The following LRMDA variants were observed in gnomAD, a reference collection of about 807,000 sequenced individuals.
The protein encoded by LRMDA is leucine rich melanocyte differentiation associated.
A neutral mutation model predicts 29.8 loss-of-function variants in LRMDA; 18 were observed. The observed-to-expected ratio is 0.60, with a 90% CI of 0.42 to 0.90. The LOEUF (loss-of-function observed/expected upper bound fraction) is 0.90. Ranked by LOEUF, LRMDA falls within the 40% of genes least tolerant of loss-of-function variation. LRMDA has a pLI of 0.00. For missense variants in LRMDA, 273 were observed against 273.9 expected (o/e 1.00, Z 0.02); for synonymous variants, 125 against 109.4 (o/e 1.14, Z -0.89).
chr10:76,301,275 A>G (rs866945747), intron 5 of LRMDA, among the ~76,000 whole-genome samples: 8 of 152,244 alleles, frequency 5.3e-5, no homozygotes, highest in African/African-American at 1.9e-4. Context: ...CAACAAGGAA[A>G]TAACTCATGC....
chr10:75,723,451 CATT>C (rs1206216534), intron 2 of LRMDA, among the ~76,000 whole-genome samples: 6 of 152,204 alleles, frequency 3.9e-5, no homozygotes, highest in Admixed American at 2.0e-4. Flanking sequence ...CCCACACAAA[CATT>C]ATGTATTGTC....
intron 2 of LRMDA, among the ~76,000 whole-genome samples, chr10:75,811,269 G>A (rs1843954925): frequency 6.6e-6 from 1 of 152,096 alleles, no homozygotes; most frequent in Non-Finnish European, 1.5e-5. Context: ...TCTCCTTCAT[G>A]GGCAAGCTCC....
At chr10:75,966,544 T>C (rs1354571479) in intron 2 of LRMDA, among the ~76,000 whole-genome samples, 1 of 152,240 alleles carries the variant, frequency 6.6e-6, no homozygotes, top group African/African-American at 2.4e-5. Flanking sequence ...TCCTTGTTAT[T>C]CATCATTTGG....
At chr10:75,938,719 A>G (rs1196911911) in intron 2 of LRMDA, among the ~76,000 whole-genome samples, 6 of 152,172 alleles carry the variant, frequency 3.9e-5, no homozygotes, top group Non-Finnish European at 7.3e-5. Flanking sequence ...AAAGTGTAGT[A>G]TCTGTTATAG....
In LRMDA at chr10:76,357,897, G is replaced by A. The variant is rs139111957; in HGVS notation, c.601+33412G>A. Among the ~76,000 whole-genome samples, 56 of 152,258 alleles carry A rather than the reference G, an allele frequency of 3.7e-4. No homozygotes were observed. The East Asian group carries it at 9.9e-3, about 27-fold the overall frequency. ...CTTATGCTAGGTACCATGGGACTGT[G>A]AGGCCTCCGGAAGAAACTCTTGACT... On this transcript the variant is annotated intron_variant, in intron 6 of 6. Coordinates refer to ENST00000611255, the MANE Select transcript of LRMDA (RefSeq NM_001305581.2).
intron 5 of LRMDA, among the ~76,000 whole-genome samples, chr10:76,212,269 A>ACACACACACACACACAT (rs533888320): frequency 1.3e-4 from 18 of 135,374 alleles, no homozygotes; most frequent in South Asian, 2.2e-4. Flanking sequence ...ACACACACAT[A>ACACACACACACACACAT]AAAAAAAAAA....
intron 5 of LRMDA, among the ~76,000 whole-genome samples, chr10:76,069,448 G>T (rs1026595530): frequency 6.6e-6 from 1 of 152,164 alleles, no homozygotes; most frequent in African/African-American, 2.4e-5. Flanking sequence ...TAGCAATTAC[G>T]TGCAGCCTTT....
intron 6 of LRMDA, among the ~76,000 whole-genome samples, chr10:76,521,839 C>A (rs1380743050): frequency 6.6e-6 from 1 of 152,074 alleles, no homozygotes; most frequent in African/African-American, 2.4e-5. Context: ...ATTTTGTTTC[C>A]CCAAAGAGAC....
At chr10:76,480,143 T>C (rs1219695195) in intron 6 of LRMDA, among the ~76,000 whole-genome samples, 2 of 151,962 alleles carry the variant, frequency 1.3e-5, no homozygotes, top group Admixed American at 6.6e-5. Flanking sequence ...TGTGTCTTCT[T>C]TTTTGACTTC....
At chr10:75,922,820 A>G (rs887113407) in intron 2 of LRMDA, among the ~76,000 whole-genome samples, 8 of 152,186 alleles carry the variant, frequency 5.3e-5, no homozygotes, top group African/African-American at 1.9e-4. Flanking sequence ...TCTTCAGCCT[A>G]GATGTCTTGC....
At chr10:76,488,005 A>G (rs1842799104) in intron 6 of LRMDA, among the ~76,000 whole-genome samples, 1 of 151,876 alleles carries the variant, frequency 6.6e-6, no homozygotes, top group Admixed American at 6.6e-5. Context: ...TAGGTGTTCA[A>G]ATTGCATGAT....
intron 6 of LRMDA, among the ~76,000 whole-genome samples, chr10:76,347,690 A>G (rs1427933753): frequency 2.0e-5 from 3 of 152,194 alleles, no homozygotes; most frequent in Non-Finnish European, 4.4e-5. Context: ...AAACCCAAGG[A>G]ACCTTAGATG....
At position 75,800,927 on chromosome 10, in the gene LRMDA, AG is replaced by A. The variant is rs1474922045; in HGVS notation, c.132-235080del. Among the ~76,000 whole-genome samples, 4 of 152,318 alleles carry A rather than the reference AG, an allele frequency of 2.6e-5. No individual in the cohort carries two copies. In the East Asian group the frequency reaches 7.7e-4, roughly 29 times the overall value. The stretch of plus-strand genomic sequence containing the variant: ...TGGCTGACTACCTTGAACTTGGGAA[AG>A]TTTGTTTGTACACTTTGTTAGGGAA... On this transcript the variant is annotated intron_variant, in intron 2 of 6. Coordinates refer to ENST00000611255, the MANE Select transcript of LRMDA (RefSeq NM_001305581.2).
At chr10:76,020,818 C>T (rs1034594854) in intron 2 of LRMDA, among the ~76,000 whole-genome samples, 12 of 152,224 alleles carry the variant, frequency 7.9e-5, no homozygotes, top group African/African-American at 2.7e-4. Context: ...ACTAAATATG[C>T]TTACTTAGCA....
intron 6 of LRMDA, among the ~76,000 whole-genome samples, chr10:76,405,234 G>A (rs1439672945): frequency 6.6e-6 from 1 of 152,186 alleles, no homozygotes; most frequent in Non-Finnish European, 1.5e-5. Flanking sequence ...GTTCTTCTGT[G>A]CAATATTCAA....
chr10:76,349,725 C>A (rs1321445411), intron 6 of LRMDA, among the ~76,000 whole-genome samples: 1 of 151,974 alleles, frequency 6.6e-6, no homozygotes, highest in African/African-American at 2.4e-5. Flanking sequence ...TGTAGAGCAA[C>A]AAAAACTGAA....
intron 5 of LRMDA, among the ~76,000 whole-genome samples, chr10:76,200,323 C>A (rs1851403793): frequency 6.6e-6 from 1 of 152,136 alleles, no homozygotes; most frequent in African/African-American, 2.4e-5. Context: ...TTTAATGGAG[C>A]TAATGATAGA....
chr10:76,058,302 T>A (rs535768467), intron 4 of LRMDA, among the ~76,000 whole-genome samples: 4 of 152,288 alleles, frequency 2.6e-5, no homozygotes, highest in Admixed American at 2.0e-4. Context: ...AATTTATAGG[T>A]TTATTTTACT....
chr10:75,741,879 T>G (rs548575905), intron 2 of LRMDA, among the ~76,000 whole-genome samples: 2 of 151,710 alleles, frequency 1.3e-5, no homozygotes, highest in Non-Finnish European at 1.5e-5. Flanking sequence ...CTTTGGGGGG[T>G]GATTAGGTCA....
Sources: gnomAD v4.1 joint callset for allele counts (sites outside exome capture counted in the v4.1 genomes callset) on GRCh38, gnomAD v4.1.1 for gene constraint, MANE v1.5 for transcripts, NCBI Gene and HGNC (gene_info 2026-07-23, HGNC 2026-07-21) for gene names.